Variants in ERCC6L2 observed in about 807,000 individuals in gnomAD.
ERCC6L2 encodes the protein ERCC excision repair 6 like 2, also known as DNA excision repair protein ERCC-6-like 2.
In ERCC6L2, 77 loss-of-function variants were observed where a neutral mutation model predicts 132.0. That is an observed-to-expected ratio of 0.58 (90% confidence interval 0.49 to 0.71). The LOEUF (loss-of-function observed/expected upper bound fraction) is 0.71, where lower values mean the gene tolerates loss of function less well. Among genes scored for constraint, ERCC6L2 ranks in the 30% least tolerant of loss-of-function variants. The pLI, the probability that ERCC6L2 is intolerant of heterozygous loss-of-function variation, is 0.00. For missense variants in ERCC6L2, 1,542 were observed against 1,837.6 expected (o/e 0.84, Z 2.94); for synonymous variants, 583 against 632.4 (o/e 0.92, Z 1.17).
At chr9:95,922,482 A>C in intron 8 of ERCC6L2, 64 bp downstream of exon 8, 1 of 944,752 alleles carries the variant, frequency 1.1e-6, no homozygotes. Context: ...AAAGTTTTAA[A>C]ATAGTTATTA....
At chr9:96,035,226 G>C (rs1834505725) in intron 19 of ERCC6L2, among the ~76,000 whole-genome samples, 1 of 152,210 alleles carries the variant, frequency 6.6e-6, no homozygotes, top group South Asian at 2.1e-4. Flanking sequence ...TTCCTGAGCA[G>C]AAGGGGGCGG....
chr9:95,956,168 CAG>C (rs1564260151), intron 13 of ERCC6L2, among the ~76,000 whole-genome samples, 155 bp downstream of exon 13: 1 of 152,102 alleles, frequency 6.6e-6, no homozygotes, highest in Non-Finnish European at 1.5e-5. Context: ...TTTTATGAAA[CAG>C]ATTCTTTGGT....
At chr9:95,991,892 T>C (rs1833314929) in intron 17 of ERCC6L2, among the ~76,000 whole-genome samples, 1 of 152,244 alleles carries the variant, frequency 6.6e-6, no homozygotes, top group African/African-American at 2.4e-5. Context: ...AAAATTTTAC[T>C]GAAAGGTTTC....
chr9:95,939,072 C>CT lies in ERCC6L2; in HGVS notation c.1752-2378dup, dbSNP rs201192969. ...AGAAATTTTACTTACATTTAAGCTT[C>CT]TTTTCCTACTCCACTTTTAAGATAT... On this transcript the variant is annotated intron_variant, in intron 11 of 18. Transcript: ENST00000653738. Among the ~76,000 whole-genome samples the CT allele has an allele frequency of 4.3e-4, 65 of 152,212 alleles. 1 individual carries two copies. In the East Asian group the frequency reaches 0.012, roughly 28 times the overall value.
intron 11 of ERCC6L2, among the ~76,000 whole-genome samples, 153 bp from the exon 12 acceptor site, chr9:95,941,301 G>C (rs981786526): frequency 6.6e-6 from 1 of 152,076 alleles, no homozygotes; most frequent in Non-Finnish European, 1.5e-5. Flanking sequence ...TATTTAATTT[G>C]TGGCATATTT....
chr9:95,968,652 C>A (rs1161582504), intron 14 of ERCC6L2: 4 of 152,022 alleles, frequency 2.6e-5, no homozygotes, highest in Non-Finnish European at 5.9e-5. Flanking sequence ...CACTTATAAT[C>A]TTATGATTTC....
rs376412922 is a variant in ERCC6L2 at position 95,972,858 on chromosome 9, A to G, written c.3107A>G (p.Gln1036Arg). ...GCAGCAAATGAGGATCATAACTCTCAGTTTATTGATGATTATTCATCCTCA... is the reference window on the plus strand; with the variant it reads ...GCAGCAAATGAGGATCATAACTCTCGGTTTATTGATGATTATTCATCCTCA... The part of the protein sequence containing the change: ...VYAANEDHNS[Q>R]FIDDYSSSDE... The change falls in exon 16 of 19, where the codon CAG becomes CGG. Residue 1036 changes from glutamine to arginine, a missense_variant. Physicochemically the swap from Gln to Arg is conservative, Grantham distance 43. This residue lies in a region of ERCC6L2 where 945 missense variants were observed against 1,105.2 expected (regional missense o/e 0.86). Coordinates refer to ENST00000653738, the MANE Select transcript of ERCC6L2 (RefSeq NM_020207.7). 5.0e-5 allele frequency: 65 copies of G among 1,305,040 alleles called. No individual in the cohort carries two copies. The highest frequency in any genetic ancestry group is 5.9e-5 in the Non-Finnish European group (58 of 988,842). 80.8% of individuals were successfully genotyped at this position (1,305,040 alleles called of 1,614,324 possible).
At chr9:95,933,275 C>A (rs1028580545) in intron 11 of ERCC6L2, among the ~76,000 whole-genome samples, 16 of 152,134 alleles carry the variant, frequency 1.1e-4, no homozygotes, top group African/African-American at 3.9e-4. Context: ...CACCCAATCC[C>A]CTAACTTATC....
At chr9:95,950,723 C>T (rs773440282) in intron 12 of ERCC6L2, among the ~76,000 whole-genome samples, 1 of 152,100 alleles carries the variant, frequency 6.6e-6, no homozygotes, top group Admixed American at 6.5e-5. Context: ...GACTTCAAGT[C>T]GACAACTGTT....
chr9:95,942,190 G>A (rs576316867), intron 12 of ERCC6L2, among the ~76,000 whole-genome samples: 21 of 152,128 alleles, frequency 1.4e-4, no homozygotes, highest in Non-Finnish European at 2.5e-4. Context: ...CCAGAGCCAA[G>A]CCTGAAGTAC....
intron 1 of ERCC6L2, among the ~76,000 whole-genome samples, chr9:95,878,246 G>T (rs1050293352): frequency 2.0e-5 from 3 of 152,134 alleles, no homozygotes; most frequent in Non-Finnish European, 2.9e-5. Flanking sequence ...GCATTACAAG[G>T]GCAAGAGACT....
intron 2 of ERCC6L2, among the ~76,000 whole-genome samples, chr9:95,892,721 C>G (rs866296843): frequency 5.1e-4 from 77 of 152,194 alleles, no homozygotes; most frequent in African/African-American, 1.7e-3. Context: ...CTGCGCCAAG[C>G]CAGATGTGTC....
intron 14 of ERCC6L2, 66 bp from the exon 15 acceptor site, chr9:95,970,510 T>C (rs1587999344): frequency 2.1e-6 from 2 of 970,222 alleles, no homozygotes; most frequent in African/African-American, 3.4e-5. Context: ...ATTGCTGTTG[T>C]TTATCTGGTT....
chr9:96,004,473 A>T (rs1330606195), intron 17 of ERCC6L2, 47 bp from the exon 18 acceptor site: 1 of 1,105,418 alleles, frequency 9.0e-7, no homozygotes, highest in African/African-American at 1.6e-5. Context: ...TTGACCAACA[A>T]TGACTATTTT....
chr9:95,900,644 T>C (rs1027743322), intron 3 of ERCC6L2, among the ~76,000 whole-genome samples: 2 of 152,196 alleles, frequency 1.3e-5, no homozygotes, highest in Admixed American at 6.5e-5. Context: ...TTTTTTTCTT[T>C]GTGATTACAT....
chr9:95,892,190 T>C (rs1206873240), intron 2 of ERCC6L2, among the ~76,000 whole-genome samples: 1 of 152,150 alleles, frequency 6.6e-6, no homozygotes, highest in Non-Finnish European at 1.5e-5. Flanking sequence ...GATCTTTTTA[T>C]GTTGGTACAT....
At chr9:95,963,592 G>T (rs139314425) in intron 13 of ERCC6L2, among the ~76,000 whole-genome samples, 1 of 151,966 alleles carries the variant, frequency 6.6e-6, no homozygotes, top group Non-Finnish European at 1.5e-5. Flanking sequence ...AAAACATGAT[G>T]CTGTAATCCA....
intron 13 of ERCC6L2, among the ~76,000 whole-genome samples, chr9:95,964,115 G>A (rs1314800313): frequency 6.6e-6 from 1 of 152,064 alleles, no homozygotes; most frequent in Non-Finnish European, 1.5e-5. Flanking sequence ...CACTATAATG[G>A]TTGTCAGGTG....
chr9:95,907,859 C>CACA lies in ERCC6L2; in HGVS notation c.788+588_788+589insACA, dbSNP rs1564212414. 4.4e-5 allele frequency among the ~76,000 whole-genome samples: 5 copies of CACA among 112,718 alleles called. No individual in the cohort carries two copies. The East Asian group carries it at 7.4e-4, about 17-fold the overall frequency. 73.9% of individuals were successfully genotyped at this position (112,718 alleles called of 152,430 possible). Reference sequence around the variant, plus strand: ...CACACACACACACACACACACACCCCCACACCCACACACCCACTGTAGCAT... The same window carrying CACA: ...CACACACACACACACACACACACCCCACACACACCCACACACCCACTGTAGCAT... On this transcript the variant is annotated intron_variant, in intron 4 of 18. Transcript: ENST00000653738.
Sources: allele counts gnomAD v4.1 joint callset (sites outside exome capture counted in the v4.1 genomes callset), GRCh38; gene constraint gnomAD v4.1.1; regional missense constraint gnomAD v4.1.1; transcripts MANE v1.5; gene names NCBI Gene and HGNC (gene_info 2026-07-23, HGNC 2026-07-21).